KIF5B: variants seen among roughly 807,000 people sequenced by gnomAD.
The protein encoded by KIF5B is kinesin family member 5B.
A neutral mutation model predicts 132.8 loss-of-function variants in KIF5B; 49 were observed. The observed-to-expected ratio is 0.37, with a 90% CI of 0.29 to 0.47. The LOEUF (loss-of-function observed/expected upper bound fraction) is 0.47. Among genes scored for constraint, KIF5B ranks in the 20% least tolerant of loss-of-function variants. The pLI is 1.00. For missense variants in KIF5B, 780 were observed against 1,144.0 expected, an observed-to-expected ratio of 0.68 and a Z score of 4.59; for synonymous variants, 355 against 369.4, an observed-to-expected ratio of 0.96 and a Z score of 0.45.
At chr10:32,041,112 C>T (rs553370959) in intron 2 of KIF5B, among the ~76,000 whole-genome samples, 19 of 147,204 alleles carry the variant, frequency 1.3e-4, no homozygotes, top group Non-Finnish European at 2.5e-4. Context: ...AGCCACTGCA[C>T]TCCAGCCTGG....
chr10:32,019,811 C>CT (rs1841233849), intron 20 of KIF5B, 47 bp downstream of exon 20: 5 of 1,320,876 alleles, frequency 3.8e-6, no homozygotes. Context: ...CTATAATCCT[C>CT]TAATTTAGCT....
chr10:32,055,665 C>A (rs1300220998), intron 1 of KIF5B, among the ~76,000 whole-genome samples, 183 bp downstream of exon 1: 1 of 152,160 alleles, frequency 6.6e-6, no homozygotes, highest in Non-Finnish European at 1.5e-5. Context: ...TGGGGGCGAT[C>A]CAGGAACGCA....
At position 32,037,302 on chromosome 10, in the gene KIF5B, T is replaced by G; in HGVS notation, c.663A>C (p.Gln221His). Reference sequence around the variant, plus strand: ...CCAGATAAAGTTTTCCACTCAGCTTTTGTTCCGTTTGTGTGTTCTCTTGTT... The same window carrying G: ...CCAGATAAAGTTTTCCACTCAGCTTGTGTTCCGTTTGTGTGTTCTCTTGTT... ...NVKQENTQTE[Q>H]KLSGKLYLVD... is the part of the protein sequence containing the mutation. Residue 221 changes from glutamine (Q) to histidine (H), a missense_variant, in exon 8 of 26, where the codon CAA becomes CAC. By Grantham distance (24) the Gln-to-His change is conservative. Transcript: ENST00000302418. 6.2e-7 allele frequency: 1 copy of G among 1,613,998 alleles called. No homozygotes were observed. Among genetic ancestry groups the G allele is most frequent in the Non-Finnish European group, 8.5e-7 (1 of 1,179,888 alleles).
Position 32,015,708 on chromosome 10 carries a change from C to G in KIF5B, c.2762-49G>C, listed in dbSNP as rs1255761463. On this transcript the variant is annotated intron_variant, in intron 24 of 25. Coordinates refer to ENST00000302418, the MANE Select transcript of KIF5B (RefSeq NM_004521.3). ...CTTTAGAATAAAGTTTAAGATGTGA[C>G]TGCAATGACTGTTAAGGTTTCTTCT... The G allele has an allele frequency of 2.1e-6, 3 of 1,445,988 alleles. No homozygotes were observed. In the Admixed American group the frequency reaches 5.8e-5, roughly 28 times the overall value. The allele number at this position is 1,445,988 out of a possible 1,614,324, so 89.6% of individuals were successfully genotyped here.
rs1362611324 is a variant in KIF5B, at chr10:32,021,313, G to C, written c.2033-26C>G. ...CTGTTTGAATAGAGAGAAAATAGAA[G>C]AGTGAAATAAGCCTTTAAGGTTCCT... On this transcript the variant is annotated intron_variant, in intron 17 of 25. Transcript: ENST00000302418. 1.9e-6 allele frequency: 3 copies of C among 1,539,938 alleles called. No individual in the cohort carries two copies. In the East Asian group the frequency reaches 6.7e-5, roughly 35 times the overall value.
chr10:32,054,511 A>C (rs1841729442), intron 1 of KIF5B, among the ~76,000 whole-genome samples: 1 of 152,240 alleles, frequency 6.6e-6, no homozygotes, highest in Non-Finnish European at 1.5e-5. Flanking sequence ...TTCACATCAA[A>C]ACCCTAAAGA....
intron 16 of KIF5B, among the ~76,000 whole-genome samples, chr10:32,022,541 G>T (rs1841278211): frequency 6.6e-6 from 1 of 152,104 alleles, no homozygotes; most frequent in Non-Finnish European, 1.5e-5. Flanking sequence ...TGATAGTGGT[G>T]AATGGCCCCA....
intron 10 of KIF5B, 113 bp from the exon 11 acceptor site, chr10:32,034,951 TTAGAC>T (rs1465727941): frequency 1.4e-6 from 1 of 726,692 alleles, no homozygotes. Flanking sequence ...CAGTAATCTC[TTAGAC>T]TAAATACTAA....
intron 25 of KIF5B, among the ~76,000 whole-genome samples, chr10:32,014,072 A>AT (rs780396748): frequency 1.3e-5 from 2 of 152,294 alleles, no homozygotes; most frequent in East Asian, 3.9e-4. Flanking sequence ...ATTATCTAGT[A>AT]TTTTTTATTT....
At position 32,012,988 on chromosome 10, in the gene KIF5B, G is replaced by A. The variant is rs185105304; in HGVS notation, c.*21-1472C>T. On this transcript the variant is annotated intron_variant, in intron 25 of 25. Transcript: ENST00000302418. ...ACGATCTCGGATCACTGCAAACTCC[G>A]CCTCCTGGGTTCAAGCGATTCTCCT... Among the ~76,000 whole-genome samples, 68 of 149,198 alleles carry A rather than the reference G, an allele frequency of 4.6e-4. No individual in the cohort carries two copies. In the East Asian group the frequency reaches 0.012, roughly 27 times the overall value.
At chr10:32,022,105 C>A in intron 17 of KIF5B, 35 bp downstream of exon 17, 1 of 1,003,596 alleles carries the variant, frequency 1.0e-6, no homozygotes, top group Non-Finnish European at 1.5e-6. Context: ...AAAATAAGAA[C>A]ACAGATGTAA....
chr10:32,042,211 A>C (rs1752765913), intron 2 of KIF5B, among the ~76,000 whole-genome samples: 1 of 152,094 alleles, frequency 6.6e-6, no homozygotes, highest in Non-Finnish European at 1.5e-5. Flanking sequence ...AGAAAAAAAA[A>C]CCCCAACATG....
chr10:32,038,059 G>A lies in KIF5B; in HGVS notation c.498+104C>T, dbSNP rs903511208. 4.5e-4 allele frequency: 280 copies of A among 617,120 alleles called. 3 individuals carry two copies. In the East Asian group the frequency reaches 6.9e-3, roughly 15 times the overall value. 38.2% of individuals were successfully genotyped at this position (617,120 alleles called of 1,614,324 possible). On this transcript the variant is annotated intron_variant, in intron 6 of 25. Coordinates refer to ENST00000302418, the MANE Select transcript of KIF5B (RefSeq NM_004521.3). ...CTGGAGGCAGAGGTTGCAGTGAGCCGAGATTGCACCACTGCACTCCAGCCT... is the reference window on the plus strand; with the variant it reads ...CTGGAGGCAGAGGTTGCAGTGAGCCAAGATTGCACCACTGCACTCCAGCCT...
chr10:32,031,292 A>T lies in KIF5B; in HGVS notation c.1375-13T>A, dbSNP rs966408505. On this transcript the variant is annotated splice_polypyrimidine_tract_variant and intron_variant, in intron 13 of 25. Coordinates refer to ENST00000302418, the MANE Select transcript of KIF5B (RefSeq NM_004521.3). Reference sequence around the variant, plus strand: ...TAGATGCCAAAAGCTATAGGACAGAAAATAATTTATTTTCCCCAAAAGTAT... The same window carrying T: ...TAGATGCCAAAAGCTATAGGACAGATAATAATTTATTTTCCCCAAAAGTAT... 7.5e-6 allele frequency: 12 copies of T among 1,605,838 alleles called. No individual in the cohort carries two copies. The highest frequency in any genetic ancestry group is 1.0e-5 in the Non-Finnish European group (12 of 1,174,216).
chr10:32,035,481 G>T, intron 10 of KIF5B, 41 bp downstream of exon 10: 1 of 1,546,054 alleles, frequency 6.5e-7, no homozygotes, highest in South Asian at 1.2e-5. Flanking sequence ...TAAACAAAAG[G>T]TCTATCTAAA....
In KIF5B at chr10:32,028,837, GAAT is replaced by G. The variant is rs377729884; in HGVS notation, c.1582-269_1582-267del. ...GTTATTTCACTAAATTCCTGGGATTGAATAATATTTTCTGTCTAAAAATGGGAA... is the reference window on the plus strand; with the variant it reads ...GTTATTTCACTAAATTCCTGGGATTGAATATTTTCTGTCTAAAAATGGGAA... On this transcript the variant is annotated intron_variant, in intron 14 of 25. Coordinates refer to ENST00000302418, the MANE Select transcript of KIF5B (RefSeq NM_004521.3). Among the ~76,000 whole-genome samples, 371 of 152,192 alleles carry G rather than the reference GAAT, an allele frequency of 2.4e-3. 3 individuals carry two copies. The highest frequency in any genetic ancestry group is 0.017 in the Middle Eastern group (5 of 294).
At position 32,040,390 on chromosome 10, in the gene KIF5B, T is replaced by C; in HGVS notation, c.282A>G (p.Thr94=). 6.3e-7 allele frequency: 1 copy of C among 1,581,248 alleles called. No individual in the cohort carries two copies. Among genetic ancestry groups the C allele is most frequent in the African/African-American group, 1.3e-5 (1 of 74,326 alleles). The change falls in exon 3 of 26, where the codon ACA becomes ACG. Residue 94 remains threonine, a synonymous_variant. Coordinates refer to ENST00000302418, the MANE Select transcript of KIF5B (RefSeq NM_004521.3). ...YGQTSSGKTH[T]MEGKLHDPEG... ...ACAGATTATAAAACGTTACCTCCATTGTGTGTGTCTTCCCAGAGGATGTTT... is the reference window on the plus strand; with the variant it reads ...ACAGATTATAAAACGTTACCTCCATCGTGTGTGTCTTCCCAGAGGATGTTT...
intron 15 of KIF5B, 93 bp downstream of exon 15, chr10:32,028,335 T>C: frequency 1.0e-6 from 1 of 991,500 alleles, no homozygotes; most frequent in East Asian, 2.4e-5. Flanking sequence ...GATGAGATCA[T>C]GAATACGAAA....
chr10:32,044,697 A>C (rs1841587000), intron 2 of KIF5B, among the ~76,000 whole-genome samples: 1 of 152,128 alleles, frequency 6.6e-6, no homozygotes, highest in African/African-American at 2.4e-5. Context: ...AAAAAAAAGA[A>C]GACAACGACA....
Sources: allele counts gnomAD v4.1 joint callset (sites outside exome capture counted in the v4.1 genomes callset), GRCh38; gene constraint gnomAD v4.1.1; transcripts MANE v1.5; gene names NCBI Gene and HGNC (gene_info 2026-07-23, HGNC 2026-07-21).